AUTS2: variants seen among roughly 807,000 people sequenced by gnomAD.
AUTS2 encodes the protein activator of transcription and developmental regulator AUTS2, also known as autism susceptibility gene 2 protein.
Under a neutral mutation model 112.4 loss-of-function variants are expected in AUTS2, and 17 were observed. That is an observed-to-expected ratio of 0.15 (90% CI 0.10 to 0.23). The LOEUF (loss-of-function observed/expected upper bound fraction) is 0.23, where lower values mean the gene tolerates loss of function less well. AUTS2 is among the 10% of genes least tolerant of loss of function. The probability of loss-of-function intolerance (pLI) is 1.00; values close to 1 mark genes in which losing one functional copy is unlikely to be tolerated. For synonymous variants in AUTS2, 751 were observed against 702.7 expected (o/e 1.07, Z -1.09); for missense variants, 1,510 against 1,701.6 (o/e 0.89, Z 1.98).
intron 4 of AUTS2, among the ~76,000 whole-genome samples, chr7:70,219,764 G>A (rs542414879): frequency 2.0e-5 from 3 of 151,808 alleles, no homozygotes; most frequent in South Asian, 2.1e-4. Flanking sequence ...TAGAGACAGG[G>A]TTTCACCACA....
chr7:70,017,395 G>C (rs1176211992), intron 2 of AUTS2, among the ~76,000 whole-genome samples: 2 of 152,196 alleles, frequency 1.3e-5, no homozygotes, highest in African/African-American at 4.8e-5. Flanking sequence ...AAGTGAAATT[G>C]ATTTTGCTGA....
At chr7:69,630,537 A>G (rs995875614) in intron 1 of AUTS2, among the ~76,000 whole-genome samples, 3 of 152,180 alleles carry the variant, frequency 2.0e-5, no homozygotes, top group African/African-American at 7.2e-5. Flanking sequence ...CACCAAACAC[A>G]TGAATCAGAT....
chr7:70,125,108 A>G (rs1262983469), intron 3 of AUTS2, among the ~76,000 whole-genome samples: 1 of 152,110 alleles, frequency 6.6e-6, no homozygotes, highest in Admixed American at 6.5e-5. Flanking sequence ...ACTATGGGTC[A>G]TATTTTCCTG....
chr7:70,613,462 G>C (rs79959302), intron 5 of AUTS2, among the ~76,000 whole-genome samples: 1 of 152,122 alleles, frequency 6.6e-6, no homozygotes, highest in Non-Finnish European at 1.5e-5. Flanking sequence ...TGTTAGGTGT[G>C]TTTTGTTAGG....
At chr7:70,624,643 C>T (rs1804843100) in intron 5 of AUTS2, among the ~76,000 whole-genome samples, 1 of 152,106 alleles carries the variant, frequency 6.6e-6, no homozygotes, top group South Asian at 2.1e-4. Flanking sequence ...CTTTCATACC[C>T]TCCTGAGTAT....
In AUTS2 at chr7:70,626,636, C is replaced by G. The variant is rs148360387; in HGVS notation, c.691-71933C>G. On this transcript the variant is annotated intron_variant, in intron 5 of 18. Transcript: ENST00000342771. ...TCAGCCAGGTACTGAGCGCAGTACC[C>G]AATAGTTTTTCAACCCTTCCCCTCA... Among the ~76,000 whole-genome samples the G allele has an allele frequency of 1.4e-3, 217 of 152,112 alleles. 1 individual carries two copies. Among genetic ancestry groups the G allele is most frequent in the African/African-American group, 5.1e-3 (212 of 41,498 alleles).
At position 69,668,205 on chromosome 7, in the gene AUTS2, T is replaced by C. The variant is rs1796159528; in HGVS notation, c.309+68243T>C. On this transcript the variant is annotated intron_variant, in intron 1 of 18. Transcript: ENST00000342771. Reference sequence around the variant, plus strand: ...GTGATTATAGTTTGACTTATTTTGCTTTTATTCAGTTTTTGTGGTTCTGTT... The same window carrying C: ...GTGATTATAGTTTGACTTATTTTGCCTTTATTCAGTTTTTGTGGTTCTGTT... Among the ~76,000 whole-genome samples the C allele has an allele frequency of 1.3e-5, 2 of 152,248 alleles. 1 individual carries two copies. The highest frequency in any genetic ancestry group is 4.1e-4 in the South Asian group (2 of 4,832).
chr7:70,273,043 C>T (rs746565874), intron 4 of AUTS2, among the ~76,000 whole-genome samples: 8 of 152,024 alleles, frequency 5.3e-5, no homozygotes, highest in Non-Finnish European at 8.8e-5. Flanking sequence ...CACTTTGTGT[C>T]TGATTTATTT....
chr7:70,543,507 C>T lies in AUTS2; in HGVS notation c.690+107726C>T, dbSNP rs540376221. 8.3e-5 allele frequency among the ~76,000 whole-genome samples: 12 copies of T among 144,720 alleles called. 1 individual carries two copies. Among genetic ancestry groups the T allele is most frequent in the South Asian group, 2.2e-4 (1 of 4,562 alleles). 94.9% of individuals were successfully genotyped at this position (144,720 alleles called of 152,430 possible). A position where few individuals can be genotyped will look rare whatever the true frequency, so the allele number is the denominator to read the frequency against. ...TCGCACCACTGCACTTGAGCCTAGGCGACAGAGTGAGACTCCATCTTGGGA... is the reference window on the plus strand; with the variant it reads ...TCGCACCACTGCACTTGAGCCTAGGTGACAGAGTGAGACTCCATCTTGGGA... On this transcript the variant is annotated intron_variant, in intron 5 of 18. Transcript: ENST00000342771.
At chr7:70,712,389 C>A (rs1810109320) in intron 6 of AUTS2, among the ~76,000 whole-genome samples, 1 of 151,876 alleles carries the variant, frequency 6.6e-6, no homozygotes, top group East Asian at 1.9e-4. Flanking sequence ...TTTCCGGTCG[C>A]AATGCTTAGT....
At chr7:70,692,316 G>A (rs1808796385) in intron 5 of AUTS2, among the ~76,000 whole-genome samples, 1 of 152,194 alleles carries the variant, frequency 6.6e-6, no homozygotes, top group South Asian at 2.1e-4. Context: ...CAGGAGCTCA[G>A]GCAGTTTCTT....
At chr7:69,857,465 C>G (rs1792781291) in intron 1 of AUTS2, among the ~76,000 whole-genome samples, 1 of 152,160 alleles carries the variant, frequency 6.6e-6, no homozygotes, top group South Asian at 2.1e-4. Flanking sequence ...AATGCAATGA[C>G]AAAATATTTT....
At chr7:69,817,582 G>T (rs1790817626) in intron 1 of AUTS2, among the ~76,000 whole-genome samples, 1 of 152,248 alleles carries the variant, frequency 6.6e-6, no homozygotes, top group South Asian at 2.1e-4. Context: ...TCATATGTGA[G>T]TGGCTTCCAG....
intron 4 of AUTS2, among the ~76,000 whole-genome samples, chr7:70,263,235 A>T (rs1787254765): frequency 6.6e-6 from 1 of 152,142 alleles, no homozygotes; most frequent in African/African-American, 2.4e-5. Context: ...CTTTTCATCT[A>T]ATCTCTGTTT....
intron 1 of AUTS2, among the ~76,000 whole-genome samples, chr7:69,887,067 C>T (rs971909677): frequency 3.9e-5 from 6 of 152,132 alleles, no homozygotes; most frequent in Non-Finnish European, 7.4e-5. Flanking sequence ...CATGAGCCAC[C>T]GTGCATAGCC....
At chr7:70,402,154 G>GATGTT (rs1420005803) in intron 4 of AUTS2, among the ~76,000 whole-genome samples, 1 of 152,248 alleles carries the variant, frequency 6.6e-6, no homozygotes, top group African/African-American at 2.4e-5. Flanking sequence ...GCACCTCCAG[G>GATGTT]GTGCCCAGCA....
chr7:70,519,613 C>T (rs577416934), intron 5 of AUTS2, among the ~76,000 whole-genome samples: 2 of 152,264 alleles, frequency 1.3e-5, no homozygotes, highest in African/African-American at 4.8e-5. Context: ...AGAAACAAAA[C>T]CTTTTATGGA....
At chr7:70,218,558 A>G (rs145210461) in intron 4 of AUTS2, among the ~76,000 whole-genome samples, 9 of 152,138 alleles carry the variant, frequency 5.9e-5, no homozygotes, top group African/African-American at 2.2e-4. Flanking sequence ...TAATTATGCT[A>G]ATTTTCCAAC....
intron 1 of AUTS2, among the ~76,000 whole-genome samples, chr7:69,835,345 C>T (rs1391520007): frequency 6.6e-6 from 1 of 151,964 alleles, no homozygotes; most frequent in Non-Finnish European, 1.5e-5. Flanking sequence ...ATATCTGTGA[C>T]GGTTTTCTTT....
Sources: allele counts gnomAD v4.1 joint callset (sites outside exome capture counted in the v4.1 genomes callset), GRCh38; gene constraint gnomAD v4.1.1; transcripts MANE v1.5; gene names NCBI Gene and HGNC (gene_info 2026-07-23, HGNC 2026-07-21).